The following RBFOX1 variants were observed in gnomAD, a reference collection of about 807,000 sequenced individuals.
RBFOX1 encodes the protein RNA binding fox-1 homolog 1.
A neutral mutation model predicts 57.7 loss-of-function variants in RBFOX1; 8 were observed. The observed-to-expected ratio is 0.14, with a 90% confidence interval of 0.08 to 0.25. RBFOX1 has a LOEUF of 0.25. Among genes scored for constraint, RBFOX1 ranks in the 10% least tolerant of loss-of-function variants. The probability of loss-of-function intolerance (pLI) is 1.00; values close to 1 mark genes in which losing one functional copy is unlikely to be tolerated. For synonymous variants in RBFOX1, 326 were observed against 222.4 expected (o/e 1.47, Z -4.15); for missense variants, 611 against 548.5 (o/e 1.11, Z -1.14).
intron 3 of RBFOX1, among the ~76,000 whole-genome samples, chr16:6,987,038 G>A (rs17141942): frequency 0.025 from 3,798 of 152,148 alleles, 157 homozygotes; most frequent in African/African-American, 0.087. Context: ...TTGCAAATAA[G>A]GCCTTGTGGA....
At chr16:6,529,564 T>A (rs550539461) in intron 2 of RBFOX1, among the ~76,000 whole-genome samples, 58 of 92,632 alleles carry the variant, frequency 6.3e-4, no homozygotes, top group African/African-American at 2.0e-3. Flanking sequence ...CAAATAATAA[T>A]AATAATTATT....
intron 1 of RBFOX1, among the ~76,000 whole-genome samples, chr16:6,157,766 A>C (rs1044942781): frequency 2.0e-5 from 3 of 152,228 alleles, no homozygotes; most frequent in Admixed American, 2.0e-4. Context: ...TTATAGGCTT[A>C]TGTAACTCTG....
chr16:6,828,324 G>T (rs1325278029), intron 3 of RBFOX1, among the ~76,000 whole-genome samples: 1 of 152,010 alleles, frequency 6.6e-6, no homozygotes, highest in Admixed American at 6.6e-5. Context: ...AAGAGATCAG[G>T]AGCATCGTGG....
At chr16:5,800,740 T>C (rs2055029573) in intron 3 of RBFOX1, among the ~76,000 whole-genome samples, 2 of 152,076 alleles carry the variant, frequency 1.3e-5, no homozygotes, top group African/African-American at 4.8e-5. Flanking sequence ...CTCAGTTGCT[T>C]CTCAGATAGC....
chr16:7,510,180 G>C (rs1316648870), intron 4 of RBFOX1: 1 of 985,712 alleles, frequency 1.0e-6, no homozygotes, highest in African/African-American at 1.7e-5. Context: ...TCAACACCCC[G>C]ATCATCCACA....
At chr16:6,999,215 TATTTTTTTTATTTA>T (rs1568300118) in intron 3 of RBFOX1, among the ~76,000 whole-genome samples, 41 of 92,792 alleles carry the variant, frequency 4.4e-4, no homozygotes, top group African/African-American at 1.8e-3. Flanking sequence ...TATTTTTATT[TATTTTTTTTATTTA>T]TTTTTTTTTT....
chr16:5,338,736 G>A (rs891240091), intron 1 of RBFOX1, among the ~76,000 whole-genome samples: 1 of 152,094 alleles, frequency 6.6e-6, no homozygotes, highest in African/African-American at 2.4e-5. Context: ...ATAGTTCACT[G>A]GAGCCTCTGC....
Position 5,910,935 on chromosome 16 carries a change from C to T in RBFOX1, c.351+43600C>T, listed in dbSNP as rs184344357. ...GATGGGATAACTCTGACTCTCCTCC[C>T]TGTGTTCCCCAAAGGGATCAAGCTT... On this transcript the variant is annotated intron_variant, in intron 4 of 19. Coordinates refer to the RBFOX1 transcript ENST00000641259. Among the ~76,000 whole-genome samples, 13 of 152,324 alleles carry T rather than the reference C, an allele frequency of 8.5e-5. 1 individual carries two copies. The South Asian group carries it at 1.9e-3, about 22-fold the overall frequency.
chr16:7,498,729 A>G (rs921962283), intron 4 of RBFOX1, among the ~76,000 whole-genome samples: 1 of 152,168 alleles, frequency 6.6e-6, no homozygotes, highest in Non-Finnish European at 1.5e-5. Context: ...CCCAATGACC[A>G]CACATGGCTA....
intron 3 of RBFOX1, among the ~76,000 whole-genome samples, chr16:5,791,067 C>G (rs1160389707): frequency 6.6e-6 from 1 of 151,984 alleles, no homozygotes; most frequent in Non-Finnish European, 1.5e-5. Context: ...TGGAGTTTCA[C>G]CATGTTGACC....
chr16:7,355,691 T>C (rs2097202768), intron 4 of RBFOX1, among the ~76,000 whole-genome samples: 1 of 152,218 alleles, frequency 6.6e-6, no homozygotes, highest in Non-Finnish European at 1.5e-5. Context: ...AATACCATGA[T>C]TTATTTGCCC....
At chr16:5,714,794 G>T (rs552691796) in intron 3 of RBFOX1, among the ~76,000 whole-genome samples, 20 of 152,210 alleles carry the variant, frequency 1.3e-4, no homozygotes, top group Non-Finnish European at 2.5e-4. Flanking sequence ...GCCTCGTAAG[G>T]TAGAAACTAT....
chr16:7,333,841 C>G (rs1191529860), intron 4 of RBFOX1, among the ~76,000 whole-genome samples: 3 of 152,070 alleles, frequency 2.0e-5, no homozygotes, highest in African/African-American at 7.2e-5. Flanking sequence ...CTGAAGTTCT[C>G]CGTTGAAAGC....
chr16:7,072,784 C>T (rs958214572), intron 4 of RBFOX1, among the ~76,000 whole-genome samples: 13 of 152,168 alleles, frequency 8.5e-5, no homozygotes, highest in Admixed American at 1.3e-4. Context: ...TTCAGAGAAT[C>T]GGAGACATGT....
In RBFOX1 at chr16:7,237,143, A is replaced by G. The variant is rs544762311; in HGVS notation, c.27+185045A>G. ...GGGCTGCAATACAGCCGCCAACCCA[A>G]ATGTCATTGGGATAGGCCAGCGTGC... On this transcript the variant is annotated intron_variant, in intron 4 of 15. Coordinates refer to ENST00000550418, the MANE Select transcript of RBFOX1 (RefSeq NM_018723.4). Among the ~76,000 whole-genome samples, 16 of 152,284 alleles carry G rather than the reference A, an allele frequency of 1.1e-4. No homozygotes were observed. The East Asian group carries it at 2.5e-3, about 24-fold the overall frequency.
chr16:6,879,391 A>C (rs1021749712), intron 3 of RBFOX1, among the ~76,000 whole-genome samples: 1 of 152,102 alleles, frequency 6.6e-6, no homozygotes, highest in Admixed American at 6.6e-5. Flanking sequence ...GTTTATATTT[A>C]TTGGATGCTC....
At chr16:7,503,182 G>C (rs557352332) in intron 4 of RBFOX1, among the ~76,000 whole-genome samples, 2 of 152,122 alleles carry the variant, frequency 1.3e-5, no homozygotes, top group African/African-American at 4.8e-5. Context: ...TTATCCTTTC[G>C]TTAGTGTGAC....
intron 1 of RBFOX1, among the ~76,000 whole-genome samples, chr16:6,101,076 C>G (rs1055807543): frequency 5.9e-5 from 9 of 152,154 alleles, no homozygotes; most frequent in Non-Finnish European, 2.9e-5. Context: ...TGACCTTTGC[C>G]AAGCTCCAAA....
At chr16:7,517,181 G>A (rs1198169310) in intron 4 of RBFOX1, among the ~76,000 whole-genome samples, 1 of 132,116 alleles carries the variant, frequency 7.6e-6, no homozygotes, top group East Asian at 2.5e-4. Flanking sequence ...GTGTGTGTGT[G>A]TGTGTGTTGT....
Sources: allele counts gnomAD v4.1 joint callset (sites outside exome capture counted in the v4.1 genomes callset), GRCh38; gene constraint gnomAD v4.1.1; transcripts MANE v1.5; gene names NCBI Gene and HGNC (gene_info 2026-07-23, HGNC 2026-07-21).